Variants in APOO observed in about 807,000 individuals in gnomAD.
APOO encodes apolipoprotein O, also known as MICOS complex subunit MIC26.
A neutral mutation model predicts 23.1 loss-of-function variants in APOO; 11 were observed. The observed-to-expected ratio is 0.48, with a 90% CI of 0.30 to 0.79. APOO has a LOEUF of 0.79. APOO is among the 30% of genes least tolerant of loss of function. The pLI is 0.07. For synonymous variants in APOO, 59 were observed against 54.8 expected (o/e 1.08, Z -0.34); for missense variants, 160 against 142.7 (o/e 1.12, Z -0.62).
intron 8 of APOO, among the ~76,000 whole-genome samples, chrX:23,838,647 C>T (rs915167123): frequency 1.8e-5 from 2 of 108,905 alleles, no homozygotes; most frequent in East Asian, 2.9e-4. Flanking sequence ...CTCGATCTCT[C>T]GACCTCGTGA....
At chrX:23,875,246 A>C (rs1317494662) in intron 3 of APOO, among the ~76,000 whole-genome samples, 2 of 107,462 alleles carry the variant, frequency 1.9e-5, no homozygotes, top group Non-Finnish European at 3.8e-5. Context: ...AAAAAAAAAA[A>C]AGGCTTTGTA....
chrX:23,856,152 G>A (rs1662580006), intron 7 of APOO, 150 bp downstream of exon 7: 2 of 564,409 alleles, frequency 3.5e-6, no homozygotes, highest in East Asian at 6.8e-5. Flanking sequence ...GCTCTACCAA[G>A]AAAGGTCACC....
At chrX:23,873,521 C>T (rs763682978) in intron 4 of APOO, among the ~76,000 whole-genome samples, 26 of 109,323 alleles carry the variant, frequency 2.4e-4, no homozygotes, top group Non-Finnish European at 4.2e-4. Flanking sequence ...GTGGGAGAAT[C>T]GCTTGAACCT....
At chrX:23,890,558 G>C (rs1055044824) in intron 1 of APOO, among the ~76,000 whole-genome samples, 1 of 112,395 alleles carries the variant, frequency 8.9e-6, no homozygotes, top group Non-Finnish European at 1.9e-5. Flanking sequence ...TGGTGCAGAA[G>C]CGATACGCAT....
chrX:23,843,034 A>G (rs1372194071), intron 7 of APOO, among the ~76,000 whole-genome samples: 2 of 111,685 alleles, frequency 1.8e-5, no homozygotes, highest in African/African-American at 6.5e-5. Flanking sequence ...CAAACAAACA[A>G]AAAAACAAGT....
At chrX:23,903,031 T>G (rs1351484765) in intron 1 of APOO, among the ~76,000 whole-genome samples, 2 of 111,914 alleles carry the variant, frequency 1.8e-5, no homozygotes, top group African/African-American at 6.5e-5. Flanking sequence ...GCTTCAATTC[T>G]TGCTAGTCAA....
chrX:23,837,294 A>C, intron 8 of APOO: 1 of 564,291 alleles, frequency 1.8e-6, no homozygotes, highest in Non-Finnish European at 3.0e-6. Flanking sequence ...GAATGTCGAC[A>C]GTCTGATTGC....
At chrX:23,834,248 T>C (rs768936092) in intron 8 of APOO, among the ~76,000 whole-genome samples, 1 of 107,270 alleles carries the variant, frequency 9.3e-6, no homozygotes, top group African/African-American at 3.4e-5. Flanking sequence ...TACAAAAAAT[T>C]AGCCGGGCAT....
intron 1 of APOO, among the ~76,000 whole-genome samples, chrX:23,901,312 C>A (rs1258410972): frequency 1.8e-5 from 2 of 111,785 alleles, no homozygotes; most frequent in Non-Finnish European, 3.8e-5. Flanking sequence ...CTTCAGTTAG[C>A]AGCTGATGAT....
chrX:23,859,631 T>A (rs1054283235), intron 5 of APOO, among the ~76,000 whole-genome samples: 4 of 111,029 alleles, frequency 3.6e-5, no homozygotes, highest in African/African-American at 9.8e-5. Flanking sequence ...TTAGTAGGCA[T>A]GGGGTTTCGC....
At chrX:23,857,121 A>C (rs1924817016) in intron 6 of APOO, among the ~76,000 whole-genome samples, 1 of 110,511 alleles carries the variant, frequency 9.0e-6, no homozygotes, top group African/African-American at 3.3e-5. Context: ...AGGATCAAAA[A>C]ACTACCCATC....
chrX:23,881,691 T>C (rs1433116105), intron 1 of APOO, among the ~76,000 whole-genome samples: 1 of 103,717 alleles, frequency 9.6e-6, no homozygotes, highest in Non-Finnish European at 2.0e-5. Context: ...TCCCAGCACT[T>C]TGGAAGGCAG....
intron 3 of APOO, among the ~76,000 whole-genome samples, chrX:23,875,077 C>G (rs1443654996): frequency 9.0e-6 from 1 of 110,760 alleles, no homozygotes; most frequent in Non-Finnish European, 1.9e-5. Context: ...TGGTGAAACC[C>G]TGTCTCTACT....
chrX:23,889,933 T>C (rs1346004196), intron 1 of APOO, among the ~76,000 whole-genome samples: 2 of 110,339 alleles, frequency 1.8e-5, no homozygotes, highest in Non-Finnish European at 3.8e-5. Flanking sequence ...AGTGCTGGGA[T>C]TACAGGCGTC....
At position 23,853,659 on chromosome X, in the gene APOO, C is replaced by T. The variant is rs191152645; in HGVS notation, c.561+2643G>A. Among the ~76,000 whole-genome samples the T allele has an allele frequency of 2.4e-3, 257 of 107,355 alleles. 2 individuals are homozygous for T. Among genetic ancestry groups the T allele is most frequent in the African/African-American group, 8.3e-3 (245 of 29,668 alleles). 93.2% of individuals were successfully genotyped at this position (107,355 alleles called of 115,157 possible). On this transcript the variant is annotated intron_variant, in intron 7 of 8. Transcript: ENST00000379226. ...TTTGTTTTTGATACAGGGTTTCACT[C>T]CCATTCACCAGGCTGGAGTGCAGTG...
At chrX:23,872,086 C>A (rs1925644174) in intron 4 of APOO, among the ~76,000 whole-genome samples, 1 of 111,490 alleles carries the variant, frequency 9.0e-6, no homozygotes, top group African/African-American at 3.3e-5. Context: ...CCCAGTGTTG[C>A]TCAATTCTAG....
At position 23,907,686 on chromosome X, in the gene APOO, G is replaced by A; in HGVS notation, c.9+8C>T. 1 of 1,157,917 alleles carries A rather than the reference G, an allele frequency of 8.6e-7. No homozygotes were observed. Among genetic ancestry groups the A allele is most frequent in the Non-Finnish European group, 1.2e-6 (1 of 869,378 alleles). Reference sequence around the variant, plus strand: ...GGTGACAGCTGTGACTCGACTCCACGCTCTCACCTTGAACATGTCGCTGGC... The same window carrying A: ...GGTGACAGCTGTGACTCGACTCCACACTCTCACCTTGAACATGTCGCTGGC... On this transcript the variant is annotated splice_region_variant and intron_variant, in intron 1 of 8. Transcript: ENST00000379226.
At chrX:23,863,691 GAGA>G (rs1037768274) in intron 5 of APOO, among the ~76,000 whole-genome samples, 1 of 110,682 alleles carries the variant, frequency 9.0e-6, no homozygotes, top group African/African-American at 3.3e-5. Flanking sequence ...GTAAACCAAG[GAGA>G]AGATGACATG....
intron 1 of APOO, among the ~76,000 whole-genome samples, chrX:23,895,466 G>T (rs1926855935): frequency 9.0e-6 from 1 of 111,139 alleles, no homozygotes; most frequent in Non-Finnish European, 1.9e-5. Flanking sequence ...ACATGGAAGG[G>T]AACATCACAC....
Sources: gnomAD v4.1 joint callset for allele counts (sites outside exome capture counted in the v4.1 genomes callset) on GRCh38, gnomAD v4.1.1 for gene constraint, MANE v1.5 for transcripts, NCBI Gene and HGNC (gene_info 2026-07-23, HGNC 2026-07-21) for gene names.